Variants in BCKDHA observed in about 807,000 individuals in gnomAD.
BCKDHA encodes 2-oxoisovalerate dehydrogenase subunit alpha, mitochondrial.
A neutral mutation model predicts 52.2 loss-of-function variants in BCKDHA; 43 were observed. That is an observed-to-expected ratio of 0.82 (90% CI 0.64 to 1.06). BCKDHA has a LOEUF of 1.06. Among genes scored for constraint, BCKDHA ranks in the 50% least tolerant of loss-of-function variants. The probability of loss-of-function intolerance (pLI) is 0.00; values close to 1 mark genes in which losing one functional copy is unlikely to be tolerated. For synonymous variants in BCKDHA, 234 were observed against 247.9 expected (o/e 0.94, Z 0.53); for missense variants, 527 against 621.3 (o/e 0.85, Z 1.61).
chr19:41,403,321 A>G (rs2039157292), intron 1 of BCKDHA, among the ~76,000 whole-genome samples: 1 of 152,184 alleles, frequency 6.6e-6, no homozygotes, highest in Admixed American at 6.5e-5. Context: ...AAAGCCTTGC[A>G]TGCACTGGAC....
At chr19:41,419,361 A>C in intron 5 of BCKDHA, 65 bp downstream of exon 5, 1 of 1,548,980 alleles carries the variant, frequency 6.5e-7, no homozygotes, top group Non-Finnish European at 8.7e-7. Context: ...TCCAGGCCTC[A>C]GCTCTTTTGC....
At chr19:41,400,736 G>A (rs1424190991) in intron 1 of BCKDHA, among the ~76,000 whole-genome samples, 1 of 151,956 alleles carries the variant, frequency 6.6e-6, no homozygotes, top group East Asian at 2.0e-4. Context: ...TGGGCTGGGT[G>A]CGGTGGCTCA....
intron 4 of BCKDHA, 87 bp from the exon 5 acceptor site, chr19:41,419,048 C>CCTG: frequency 6.6e-7 from 1 of 1,505,860 alleles, no homozygotes; most frequent in South Asian, 1.1e-5. Flanking sequence ...TTCCTGTCTG[C>CCTG]CTGCCAGCAT....
chr19:41,408,014 G>A (rs2039212098), intron 1 of BCKDHA, among the ~76,000 whole-genome samples: 1 of 147,620 alleles, frequency 6.8e-6, no homozygotes, highest in Non-Finnish European at 1.5e-5. Context: ...GGAGTGCAGT[G>A]GCACAGTCTC....
At chr19:41,415,837 G>GT (rs1363773981) in intron 4 of BCKDHA, among the ~76,000 whole-genome samples, 3 of 210 alleles carry the variant, frequency 0.014, no homozygotes, top group Admixed American at 0.071. Context: ...TTTAGTAGAG[G>GT]CGGGTTTCAC....
chr19:41,414,256 T>C (rs2080774743), intron 4 of BCKDHA, 99 bp downstream of exon 4: 10 of 1,196,314 alleles, frequency 8.4e-6, no homozygotes, highest in Admixed American at 1.9e-5. Context: ...CAGGAAGGTC[T>C]AAGGAGCTGG....
intron 8 of BCKDHA, 75 bp downstream of exon 8, chr19:41,423,244 A>AC: frequency 6.5e-7 from 1 of 1,540,530 alleles, no homozygotes; most frequent in Non-Finnish European, 8.7e-7. Context: ...TTTGTGGAAC[A>AC]CCGAACTGGG....
chr19:41,400,701 GAGTTTA>G (rs1442471371), intron 1 of BCKDHA, among the ~76,000 whole-genome samples: 2 of 152,052 alleles, frequency 1.3e-5, no homozygotes, highest in Admixed American at 6.5e-5. Context: ...AAATTATCAT[GAGTTTA>G]AGTTTAAGTA....
At chr19:41,408,141 G>A (rs2039213230) in intron 1 of BCKDHA, among the ~76,000 whole-genome samples, 1 of 151,840 alleles carries the variant, frequency 6.6e-6, no homozygotes, top group Admixed American at 6.6e-5. Context: ...TTTTTTTGTG[G>A]AGACAGGGTT....
At chr19:41,398,070 G>A (rs2039096118) in intron 1 of BCKDHA, 135 bp downstream of exon 1, 2 of 697,236 alleles carry the variant, frequency 2.9e-6, no homozygotes, top group African/African-American at 1.8e-5. Flanking sequence ...ACTCCTTGGA[G>A]AAGACACCGA....
At chr19:41,414,009 A>C in intron 3 of BCKDHA, 40 bp from the exon 4 acceptor site, 2 of 1,547,194 alleles carry the variant, frequency 1.3e-6, no homozygotes, top group Non-Finnish European at 1.8e-6. Flanking sequence ...ATTGCCCAGC[A>C]TAACCAATTG....
rs139266530 is a variant in BCKDHA at position 41,409,473 on chromosome 19, G to A, written c.109-1164G>A. Among the ~76,000 whole-genome samples the A allele has an allele frequency of 1.3e-3, 199 of 152,286 alleles. 3 individuals are homozygous for A. Among genetic ancestry groups the A allele is most frequent in the Non-Finnish European group, 2.3e-3 (157 of 68,032 alleles). On this transcript the variant is annotated intron_variant, in intron 1 of 8. Transcript: ENST00000269980. Reference sequence around the variant, plus strand: ...GCACAGGGCTTGGAACATGTCAGGTGCTCAAATATTTGTTGAATGAGTCAG... The same window carrying A: ...GCACAGGGCTTGGAACATGTCAGGTACTCAAATATTTGTTGAATGAGTCAG...
At chr19:41,420,108 C>G (rs2039348276) in intron 5 of BCKDHA, among the ~76,000 whole-genome samples, 1 of 152,170 alleles carries the variant, frequency 6.6e-6, no homozygotes, top group Admixed American at 6.5e-5. Context: ...TGGGACCCTT[C>G]AGAAGAGGGC....
intron 5 of BCKDHA, 49 bp downstream of exon 5, chr19:41,419,345 C>A: frequency 1.3e-6 from 2 of 1,571,228 alleles, no homozygotes; most frequent in Non-Finnish European, 1.7e-6. Context: ...CAATGTCACA[C>A]CCCTGTCCAG....
intron 4 of BCKDHA, among the ~76,000 whole-genome samples, chr19:41,417,247 C>G (rs1428200490): frequency 1.3e-5 from 2 of 152,036 alleles, no homozygotes; most frequent in Non-Finnish European, 2.9e-5. Context: ...AACTCCTGAG[C>G]TCAAGCAGTC....
At chr19:41,403,587 A>G (rs2039160350) in intron 1 of BCKDHA, among the ~76,000 whole-genome samples, 1 of 152,170 alleles carries the variant, frequency 6.6e-6, no homozygotes, top group Non-Finnish European at 1.5e-5. Context: ...CCTAGGACTG[A>G]AGTGTTCTGA....
chr19:41,398,567 A>G (rs2039102729), intron 1 of BCKDHA, among the ~76,000 whole-genome samples: 1 of 152,184 alleles, frequency 6.6e-6, no homozygotes, highest in Non-Finnish European at 1.5e-5. Context: ...AAAAGGAGGG[A>G]GAGAGGTACA....
intron 1 of BCKDHA, among the ~76,000 whole-genome samples, chr19:41,401,551 A>G (rs1391881941): frequency 6.6e-6 from 1 of 152,138 alleles, no homozygotes; most frequent in East Asian, 1.9e-4. Flanking sequence ...CCACTCCTTC[A>G]TTGAATACCC....
At chr19:41,416,630 G>A (rs2039310744) in intron 4 of BCKDHA, among the ~76,000 whole-genome samples, 1 of 152,176 alleles carries the variant, frequency 6.6e-6, no homozygotes, top group East Asian at 1.9e-4. Context: ...GTGTTAAGAG[G>A]AAGCACGTGC....
Sources: gnomAD v4.1 joint callset for allele counts (sites outside exome capture counted in the v4.1 genomes callset) on GRCh38, gnomAD v4.1.1 for gene constraint, MANE v1.5 for transcripts, NCBI Gene and HGNC (gene_info 2026-07-23, HGNC 2026-07-21) for gene names.